The following UBAP2 variants were observed in gnomAD, a reference collection of about 807,000 sequenced individuals.
The protein encoded by UBAP2 is ubiquitin associated protein 2.
A neutral mutation model predicts 139.6 loss-of-function variants in UBAP2; 75 were observed. The ratio of observed to expected loss-of-function variants is 0.54; its 90% CI spans 0.45 to 0.65. The LOEUF is 0.65. Among genes scored for constraint, UBAP2 ranks in the 30% least tolerant of loss-of-function variants. The pLI, the probability that UBAP2 is intolerant of heterozygous loss-of-function variation, is 0.00. For synonymous variants in UBAP2, 526 were observed against 526.2 expected, an observed-to-expected ratio of 1.00 and a Z score of 0.01; for missense variants, 1,368 against 1,369.6, an observed-to-expected ratio of 1.00 and a Z score of 0.02.
At chr9:33,972,070 G>GA (rs1827955747) in intron 7 of UBAP2, among the ~76,000 whole-genome samples, 1 of 152,200 alleles carries the variant, frequency 6.6e-6, no homozygotes, top group Admixed American at 6.5e-5. Context: ...GAGCTCTTAT[G>GA]AGAGTCCTGC....
intron 2 of UBAP2, among the ~76,000 whole-genome samples, chr9:34,016,385 T>C (rs1214621792): frequency 5.1e-5 from 4 of 78,898 alleles, no homozygotes; most frequent in African/African-American, 1.8e-4. Context: ...GTGGTGGTGG[T>C]GGTGGTGGTG....
Position 33,926,659 on chromosome 9 carries a change from A to G in UBAP2, c.2469T>C (p.Tyr823=), listed in dbSNP as rs1464222426. ...GCAGCATCTGGAGCTCGTCATAGCC[A>G]TAGATCTGTGTGAGAACCAGAAAGT... is the stretch of plus-strand genomic sequence containing the variant. The part of the protein sequence containing the change: ...PGGLLPAYPI[Y]GYDELQMLQS... The change falls in exon 22 of 29, where the codon TAT becomes TAC. Residue 823 remains tyrosine, a synonymous_variant. Transcript: ENST00000379238. 1.2e-6 allele frequency: 2 copies of G among 1,614,230 alleles called. No homozygotes were observed. The highest frequency in any genetic ancestry group is 4.5e-5 in the East Asian group (2 of 44,890).
intron 1 of UBAP2, among the ~76,000 whole-genome samples, chr9:34,023,087 A>C (rs987398541): frequency 6.6e-6 from 1 of 152,010 alleles, no homozygotes; most frequent in Admixed American, 6.6e-5. Context: ...TTAGCCAGGC[A>C]TGGTGGCACG....
At chr9:33,929,672 C>G (rs1047493890) in intron 19 of UBAP2, among the ~76,000 whole-genome samples, 1 of 152,098 alleles carries the variant, frequency 6.6e-6, no homozygotes. Flanking sequence ...GAAATAGAGA[C>G]CAAAGACCTG....
intron 8 of UBAP2, among the ~76,000 whole-genome samples, chr9:33,971,030 T>C (rs1827880352): frequency 6.6e-6 from 1 of 152,198 alleles, no homozygotes; most frequent in Non-Finnish European, 1.5e-5. Context: ...CTCGAACTCC[T>C]GACCTCAAGT....
intron 17 of UBAP2, among the ~76,000 whole-genome samples, chr9:33,935,137 G>A (rs1178686662): frequency 7.1e-6 from 1 of 140,260 alleles, no homozygotes; most frequent in Non-Finnish European, 1.5e-5. Flanking sequence ...CACTATCTTT[G>A]GTAATCACTG....
At chr9:33,948,688 A>C (rs1825848563) in intron 12 of UBAP2, 101 bp from the exon 13 acceptor site, 4 of 924,448 alleles carry the variant, frequency 4.3e-6, no homozygotes, top group East Asian at 4.9e-5. Flanking sequence ...TAAAACCTAT[A>C]ATCTAAAACA....
At chr9:33,926,364 A>C (rs1356834596) in intron 22 of UBAP2, among the ~76,000 whole-genome samples, 1 of 152,182 alleles carries the variant, frequency 6.6e-6, no homozygotes, top group Non-Finnish European at 1.5e-5. Flanking sequence ...TTAACAGGGG[A>C]CATGGCCTAC....
chr9:33,987,284 C>T (rs1821303790), intron 5 of UBAP2, among the ~76,000 whole-genome samples: 1 of 152,030 alleles, frequency 6.6e-6, no homozygotes, highest in Non-Finnish European at 1.5e-5. Flanking sequence ...TGGTGGCGCG[C>T]ACCTATAGTC....
intron 15 of UBAP2, 38 bp from the exon 16 acceptor site, chr9:33,941,900 C>T: frequency 7.3e-7 from 1 of 1,365,850 alleles, no homozygotes; most frequent in Non-Finnish European, 1.0e-6. Flanking sequence ...AATTTTGTTA[C>T]TTTAAATAGC....
intron 12 of UBAP2, among the ~76,000 whole-genome samples, chr9:33,949,199 A>G (rs919913612): frequency 1.3e-5 from 2 of 150,894 alleles, no homozygotes; most frequent in Non-Finnish European, 3.0e-5. Flanking sequence ...TAAAAATAAA[A>G]TAAAATAATA....
At chr9:33,925,330 G>GA (rs1823332176) in intron 22 of UBAP2, among the ~76,000 whole-genome samples, 1 of 152,200 alleles carries the variant, frequency 6.6e-6, no homozygotes, top group African/African-American at 2.4e-5. Context: ...CGGGAGCAGA[G>GA]AAAGCCCAGA....
intron 13 of UBAP2, among the ~76,000 whole-genome samples, chr9:33,948,026 CTA>C (rs1412414042): frequency 1.3e-5 from 2 of 149,042 alleles, no homozygotes; most frequent in Non-Finnish European, 1.5e-5. Flanking sequence ...TTTCCACATT[CTA>C]TGTTCTATCA....
intron 3 of UBAP2, chr9:33,997,830 G>A (rs1426674668): frequency 1.3e-5 from 2 of 152,164 alleles, no homozygotes; most frequent in Non-Finnish European, 2.9e-5. Context: ...TCATTCCAGA[G>A]AAAGAAATCT....
At chr9:34,020,411 A>G (rs1410523136) in intron 1 of UBAP2, among the ~76,000 whole-genome samples, 1 of 150,866 alleles carries the variant, frequency 6.6e-6, no homozygotes, top group African/African-American at 2.4e-5. Context: ...TGCAACCTCC[A>G]CCTTCTGGGT....
At chr9:33,975,660 G>C (rs1828274335) in intron 6 of UBAP2, among the ~76,000 whole-genome samples, 1 of 151,516 alleles carries the variant, frequency 6.6e-6, no homozygotes, top group African/African-American at 2.4e-5. Flanking sequence ...AGAAAAATTA[G>C]CCAGGCGTAG....
chr9:33,944,691 T>A (rs1206444918), intron 13 of UBAP2, 52 bp from the exon 14 acceptor site: 1 of 1,578,352 alleles, frequency 6.3e-7, no homozygotes, highest in East Asian at 2.2e-5. Flanking sequence ...ACAATGTTCT[T>A]CAATAGAACA....
At position 34,017,113 on chromosome 9, in the gene UBAP2, A is replaced by G. The variant is rs1824435488; in HGVS notation, c.36T>C (p.Gly12=). 1 of 1,612,044 alleles carries G rather than the reference A, an allele frequency of 6.2e-7. No homozygotes were observed. Among genetic ancestry groups the G allele is most frequent in the Middle Eastern group, 1.7e-4 (1 of 6,058 alleles). ...CTGAAATCTGTGGTTTTTCCCGAGCACCTCGACAATGGTCACTGCTCACTG... is the reference window on the plus strand; with the variant it reads ...CTGAAATCTGTGGTTTTTCCCGAGCGCCTCGACAATGGTCACTGCTCACTG... The part of the protein sequence containing the change: ...MTSVSSDHCR[G]AREKPQISAA... The change falls in exon 2 of 29, where the codon GGT becomes GGC. Residue 12 remains glycine, a synonymous_variant. Transcript: ENST00000379238.
rs756705755 is a variant in UBAP2, at chr9:33,996,230, G to A, written c.281C>T (p.Ser94Leu). ...TCAATTAATAATACTTACTGTGTCT[G>A]AATTCCCTTCCAGCAATATATTGAT... Reference protein sequence around the residue: ...KAINILLEGNSDTTSWETVGC... With the variant: ...KAINILLEGNLDTTSWETVGC... The change falls in exon 4 of 29, where the codon TCA (serine) becomes TTA (leucine). Residue 94 changes from serine (S) to leucine (L), a missense_variant. By Grantham distance (145) the Ser-to-Leu change is moderately radical. Coordinates refer to ENST00000379238, the MANE Select transcript of UBAP2 (RefSeq NM_001370062.2). 13 of 1,608,508 alleles carry A rather than the reference G, an allele frequency of 8.1e-6. No individual in the cohort carries two copies. The highest frequency in any genetic ancestry group is 1.7e-5 in the Admixed American group (1 of 59,870).
Sources: gnomAD v4.1 joint callset for allele counts (sites outside exome capture counted in the v4.1 genomes callset) on GRCh38, gnomAD v4.1.1 for gene constraint, MANE v1.5 for transcripts, NCBI Gene and HGNC (gene_info 2026-07-23, HGNC 2026-07-21) for gene names.